Variants in MAPK4 observed in about 807,000 individuals in gnomAD.
MAPK4 encodes Erk3-related.
A neutral mutation model predicts 47.7 loss-of-function variants in MAPK4; 22 were observed. The observed-to-expected ratio is 0.46, with a 90% CI of 0.33 to 0.66. The LOEUF (loss-of-function observed/expected upper bound fraction) is 0.66, where lower values mean the gene tolerates loss of function less well. Ranked by LOEUF, MAPK4 falls within the 30% of genes least tolerant of loss-of-function variation. The probability of loss-of-function intolerance (pLI) is 0.02; values close to 1 mark genes in which losing one functional copy is unlikely to be tolerated. For synonymous variants in MAPK4, 390 were observed against 365.7 expected (o/e 1.07, Z -0.76); for missense variants, 736 against 831.7 (o/e 0.88, Z 1.42).
At chr18:50,693,824 G>T (rs1317279897) in intron 2 of MAPK4, among the ~76,000 whole-genome samples, 3 of 120,708 alleles carry the variant, frequency 2.5e-5, no homozygotes, top group African/African-American at 2.6e-5. Flanking sequence ...ACTTGCCTGG[G>T]CTTATGAAAC....
intron 1 of MAPK4, among the ~76,000 whole-genome samples, chr18:50,628,136 T>C (rs529731421): frequency 1.3e-5 from 2 of 152,316 alleles, no homozygotes; most frequent in South Asian, 2.1e-4. Context: ...CCCCAGATGC[T>C]GAGTTGCAGC....
At chr18:50,569,577 C>T (rs982395439) in intron 1 of MAPK4, among the ~76,000 whole-genome samples, 3 of 152,298 alleles carry the variant, frequency 2.0e-5, no homozygotes, top group Admixed American at 6.5e-5. Flanking sequence ...ACAATACAGT[C>T]GTGGGTTCTT....
At chr18:50,703,839 A>C (rs1909912178) in intron 2 of MAPK4, among the ~76,000 whole-genome samples, 2 of 152,132 alleles carry the variant, frequency 1.3e-5, no homozygotes, top group African/African-American at 2.4e-5. Context: ...CCTGCTAGCT[A>C]TTAACATCTT....
chr18:50,682,740 A>G (rs1280161258), intron 2 of MAPK4, among the ~76,000 whole-genome samples: 2 of 152,234 alleles, frequency 1.3e-5, no homozygotes, highest in Non-Finnish European at 2.9e-5. Flanking sequence ...CTATGTATTT[A>G]CCCAAGAGAA....
At chr18:50,604,255 T>C (rs965643664) in intron 1 of MAPK4, among the ~76,000 whole-genome samples, 4 of 152,380 alleles carry the variant, frequency 2.6e-5, no homozygotes, top group South Asian at 2.1e-4. Flanking sequence ...ATTTTTAGCA[T>C]GCTTTGTTTA....
chr18:50,728,797 C>G (rs1352032532), intron 5 of MAPK4, among the ~76,000 whole-genome samples: 2 of 152,266 alleles, frequency 1.3e-5, no homozygotes, highest in African/African-American at 4.8e-5. Flanking sequence ...CATCTATCAG[C>G]TTTTGAGAAG....
At chr18:50,583,326 G>A (rs1162694446) in intron 1 of MAPK4, among the ~76,000 whole-genome samples, 7 of 152,272 alleles carry the variant, frequency 4.6e-5, no homozygotes, top group African/African-American at 1.2e-4. Context: ...GGTGGCTCAC[G>A]CCTGTAATCC....
At chr18:50,689,824 T>C (rs573113957) in intron 2 of MAPK4, among the ~76,000 whole-genome samples, 31 of 152,348 alleles carry the variant, frequency 2.0e-4, no homozygotes, top group African/African-American at 7.2e-4. Flanking sequence ...CCAGTTTAAC[T>C]ATATCTCAGA....
intron 1 of MAPK4, among the ~76,000 whole-genome samples, chr18:50,566,976 TCTTG>T (rs1281477685): frequency 6.6e-6 from 1 of 152,222 alleles, no homozygotes; most frequent in East Asian, 1.9e-4. Context: ...TTTTAATTTT[TCTTG>T]CTTTTTTATT....
chr18:50,659,711 C>T (rs1254070452), intron 1 of MAPK4, among the ~76,000 whole-genome samples: 4 of 152,234 alleles, frequency 2.6e-5, no homozygotes, highest in African/African-American at 4.8e-5. Context: ...TGTTTTATTA[C>T]GATGCCCAGC....
intron 1 of MAPK4, among the ~76,000 whole-genome samples, chr18:50,648,381 T>C (rs1054341534): frequency 3.3e-5 from 5 of 152,072 alleles, no homozygotes; most frequent in African/African-American, 1.2e-4. Flanking sequence ...GGTGCAGGCA[T>C]GACCGTGGGG....
chr18:50,584,254 A>G (rs1008782276), intron 1 of MAPK4, among the ~76,000 whole-genome samples: 9 of 152,158 alleles, frequency 5.9e-5, no homozygotes, highest in African/African-American at 1.9e-4. Flanking sequence ...TCTCTTCTCT[A>G]TTAAAGAAGA....
intron 1 of MAPK4, among the ~76,000 whole-genome samples, chr18:50,655,807 TA>T (rs1381127002): frequency 6.6e-6 from 1 of 152,202 alleles, no homozygotes; most frequent in Non-Finnish European, 1.5e-5. Flanking sequence ...TGGAGGGATT[TA>T]AAAAACTTTC....
intron 2 of MAPK4, among the ~76,000 whole-genome samples, chr18:50,694,588 G>T (rs761487605): frequency 6.6e-6 from 1 of 152,218 alleles, no homozygotes; most frequent in Non-Finnish European, 1.5e-5. Context: ...CACTCTGGTG[G>T]ACCCAGAATA....
intron 1 of MAPK4, among the ~76,000 whole-genome samples, chr18:50,614,493 T>C (rs1358420752): frequency 6.6e-6 from 1 of 152,164 alleles, no homozygotes; most frequent in Non-Finnish European, 1.5e-5. Context: ...AAAACACTTA[T>C]TTGAATCATA....
At chr18:50,566,216 G>A (rs749887371) in intron 1 of MAPK4, among the ~76,000 whole-genome samples, 7 of 152,176 alleles carry the variant, frequency 4.6e-5, no homozygotes, top group Admixed American at 6.5e-5. Context: ...TTAAAGCATT[G>A]CTAGTCTTTC....
chr18:50,654,254 CA>C (rs1178465728), intron 1 of MAPK4, among the ~76,000 whole-genome samples: 1 of 152,184 alleles, frequency 6.6e-6, no homozygotes, highest in Non-Finnish European at 1.5e-5. Context: ...ACTGAGCTGC[CA>C]GAGGACTTTC....
intron 1 of MAPK4, among the ~76,000 whole-genome samples, chr18:50,604,143 C>T (rs2042563684): frequency 6.6e-6 from 1 of 152,034 alleles, no homozygotes; most frequent in Non-Finnish European, 1.5e-5. Flanking sequence ...AAAAAATAGC[C>T]CCATGCCTCA....
chr18:50,720,711 G>A (rs1009667971), intron 3 of MAPK4, among the ~76,000 whole-genome samples: 6 of 152,144 alleles, frequency 3.9e-5, no homozygotes, highest in African/African-American at 1.4e-4. Context: ...TGACCTCATG[G>A]TCCCCTGGTG....
Sources: gnomAD v4.1 joint callset for allele counts (sites outside exome capture counted in the v4.1 genomes callset) on GRCh38, gnomAD v4.1.1 for gene constraint, MANE v1.5 for transcripts, NCBI Gene and HGNC (gene_info 2026-07-23, HGNC 2026-07-21) for gene names.